The following LPCAT3 variants were observed in gnomAD, a reference collection of about 807,000 sequenced individuals.
LPCAT3 encodes lysophosphatidylcholine acyltransferase 3.
A neutral mutation model predicts 63.4 loss-of-function variants in LPCAT3; 21 were observed. The ratio of observed to expected loss-of-function variants is 0.33; its 90% CI spans 0.23 to 0.48. The LOEUF is 0.48. LPCAT3 is among the 20% of genes least tolerant of loss of function. The probability of loss-of-function intolerance (pLI) is 0.99; values close to 1 mark genes in which losing one functional copy is unlikely to be tolerated. For synonymous variants in LPCAT3, 242 were observed against 227.5 expected, an observed-to-expected ratio of 1.06 and a Z score of -0.58; for missense variants, 451 against 590.6, an observed-to-expected ratio of 0.76 and a Z score of 2.45.
chr12:6,983,327 T>G, intron 2 of LPCAT3, 105 bp downstream of exon 2: 1 of 734,640 alleles, frequency 1.4e-6, no homozygotes, highest in Non-Finnish European at 2.4e-6. Context: ...AGTGGGAGCA[T>G]TATAACTTCC....
intron 1 of LPCAT3, chr12:6,988,049 G>T: frequency 2.8e-6 from 1 of 355,742 alleles, no homozygotes; most frequent in Non-Finnish European, 5.0e-6. Context: ...TTTTAAAGGT[G>T]TAAAAAAAAA....
chr12:6,995,722 C>T (rs1235806267), intron 1 of LPCAT3, among the ~76,000 whole-genome samples: 3 of 152,066 alleles, frequency 2.0e-5, no homozygotes, highest in African/African-American at 7.2e-5. Context: ...GGGTAATCTT[C>T]CTTCAGCTCC....
At chr12:6,997,396 T>TGC (rs1366955598) in intron 1 of LPCAT3, 2 of 148,958 alleles carry the variant, frequency 1.3e-5, no homozygotes, top group Non-Finnish European at 2.9e-5. Context: ...TGTGTGTGTG[T>TGC]GTGTGTGTGT....
intron 2 of LPCAT3, chr12:6,983,165 A>G: frequency 8.5e-6 from 4 of 468,514 alleles, no homozygotes; most frequent in Non-Finnish European, 1.2e-5. Context: ...TCATTCAGTT[A>G]CATCCACAGC....
chr12:6,988,733 G>A (rs146134269), intron 1 of LPCAT3, among the ~76,000 whole-genome samples: 130 of 152,260 alleles, frequency 8.5e-4, no homozygotes, highest in African/African-American at 3.1e-3. Flanking sequence ...AATGCAGGCC[G>A]CAGTGCTCAG....
intron 1 of LPCAT3, among the ~76,000 whole-genome samples, chr12:6,985,118 G>A (rs782360642): frequency 3.4e-5 from 5 of 147,542 alleles, no homozygotes; most frequent in East Asian, 4.0e-4. Flanking sequence ...AAGGCTGGGC[G>A]CGGTGGCTCA....
In LPCAT3 at chr12:7,018,316, C is replaced by G; in HGVS notation, c.109G>C (p.Ala37Pro). 6.2e-7 allele frequency: 1 copy of G among 1,609,216 alleles called. No homozygotes were observed. ...ATCAGCCGCAGCGCCTGTTCTGACG[C>G]GCCCAGGGACGTCGCCAACTTGTTA... ...SLNKLATSLG[A>P]SEQALRLIIS... The change falls in exon 1 of 13, where the codon GCG (alanine) becomes CCG (proline). Residue 37 changes from alanine to proline, a missense_variant. Coordinates refer to ENST00000261407, the MANE Select transcript of LPCAT3 (RefSeq NM_005768.6). The surrounding 1 kb of genome is among the most constrained non-coding windows in gnomAD (Gnocchi z 4.9).
rs1391221330 is a variant in LPCAT3, at chr12:6,977,948, G to A, written c.1041-203C>T. 9.9e-6 allele frequency: 6 copies of A among 607,000 alleles called. No homozygotes were observed. The highest frequency in any genetic ancestry group is 7.4e-5 in the African/African-American group (4 of 53,880). 37.6% of individuals were successfully genotyped at this position (607,000 alleles called of 1,614,324 possible). On this transcript the variant is annotated intron_variant, in intron 9 of 12. Coordinates refer to ENST00000261407, the MANE Select transcript of LPCAT3 (RefSeq NM_005768.6). This position sits in a 1 kb window ranked among gnomAD's most constrained non-coding sequence, Gnocchi z 4.5. The stretch of plus-strand genomic sequence containing the variant: ...CAAGGCGGAGCTGGAGACCGTGTGC[G>A]CACGAGCCACTTGGTTCAGCAGCAG...
In LPCAT3 at chr12:6,979,618, A is replaced by T. The variant is rs376496578; in HGVS notation, c.678-39T>A. 1.7e-4 allele frequency: 232 copies of T among 1,392,380 alleles called. 1 individual carries two copies. The highest frequency in any genetic ancestry group is 3.1e-5 in the Non-Finnish European group (30 of 978,458). The allele number at this position is 1,392,380 out of a possible 1,614,324, so 86.3% of individuals were successfully genotyped here. ...AGTGAAGTTCCTGGTCACAGAGAGCAGAGACTATTCCCTTCACCCTCTGAC... is the reference window on the plus strand; with the variant it reads ...AGTGAAGTTCCTGGTCACAGAGAGCTGAGACTATTCCCTTCACCCTCTGAC... On this transcript the variant is annotated intron_variant, in intron 6 of 12. Coordinates refer to ENST00000261407, the MANE Select transcript of LPCAT3 (RefSeq NM_005768.6).
chr12:6,989,912 C>T (rs782662564), intron 1 of LPCAT3, among the ~76,000 whole-genome samples: 4 of 152,262 alleles, frequency 2.6e-5, no homozygotes, highest in East Asian at 1.9e-4. Context: ...GTGGCTCACA[C>T]CTGTAATCCC....
At chr12:6,990,576 C>G (rs1249891656) in intron 1 of LPCAT3, among the ~76,000 whole-genome samples, 2 of 150,212 alleles carry the variant, frequency 1.3e-5, no homozygotes, top group African/African-American at 4.9e-5. Flanking sequence ...TTGAGCACCC[C>G]AAACAACTTT....
At chr12:6,979,628 C>T in intron 6 of LPCAT3, 49 bp from the exon 7 acceptor site, 1 of 1,288,204 alleles carries the variant, frequency 7.8e-7, no homozygotes, top group Non-Finnish European at 1.1e-6. Flanking sequence ...AGAGACTATT[C>T]CCTTCACCCT....
chr12:7,000,400 A>C (rs1946674565), intron 1 of LPCAT3, among the ~76,000 whole-genome samples: 1 of 150,306 alleles, frequency 6.7e-6, no homozygotes, highest in African/African-American at 2.4e-5. Flanking sequence ...ATCCTGGCTA[A>C]CACAGTGACG....
In LPCAT3 at chr12:6,987,649, T is replaced by G; in HGVS notation, c.152-4110A>C. 4 of 394,640 alleles carry G rather than the reference T, an allele frequency of 1.0e-5. No individual in the cohort carries two copies. Among genetic ancestry groups the G allele is most frequent in the Non-Finnish European group, 1.8e-5 (4 of 224,184 alleles). 24.4% of individuals were successfully genotyped at this position (394,640 alleles called of 1,614,324 possible). A position where few individuals can be genotyped will look rare whatever the true frequency, so the allele number is the denominator to read the frequency against. ...AGTAGATAATTATCTAGAGCACTCA[T>G]AAATAAGTTCTAGGTAGCTAAGTTT... On this transcript the variant is annotated intron_variant, in intron 1 of 12. Coordinates refer to ENST00000261407, the MANE Select transcript of LPCAT3 (RefSeq NM_005768.6). This position sits in a 1 kb window ranked among gnomAD's most constrained non-coding sequence, Gnocchi z 4.1.
At chr12:6,990,877 A>G (rs1029362596) in intron 1 of LPCAT3, among the ~76,000 whole-genome samples, 1 of 147,312 alleles carries the variant, frequency 6.8e-6, no homozygotes, top group East Asian at 2.0e-4. Context: ...AGATCACGCC[A>G]CTGTGCTCCA....
intron 1 of LPCAT3, among the ~76,000 whole-genome samples, chr12:6,983,758 T>C (rs937416497): frequency 1.3e-5 from 2 of 152,236 alleles, no homozygotes; most frequent in Non-Finnish European, 2.9e-5. Context: ...AATATTTGAT[T>C]GAGGCAATAT....
intron 1 of LPCAT3, among the ~76,000 whole-genome samples, chr12:7,000,588 A>C (rs1334290516): frequency 1.4e-4 from 17 of 117,998 alleles, no homozygotes; most frequent in African/African-American, 6.0e-4. Flanking sequence ...ACTCAGTCTC[A>C]AAAAAAAAAA....
rs1220771413 is a variant in LPCAT3 at position 7,017,840 on chromosome 12, G to A, written c.151+434C>T. 6.6e-6 allele frequency among the ~76,000 whole-genome samples: 1 copy of A among 152,234 alleles called. No homozygotes were observed. Among genetic ancestry groups the A allele is most frequent in the Non-Finnish European group, 1.5e-5 (1 of 68,040 alleles). ...GCTCAGAATATGAAATATGGAATAT[G>A]GGGCTGAAAAGGCCGAAAGGGCTAA... On this transcript the variant is annotated intron_variant, in intron 1 of 12. Coordinates refer to ENST00000261407, the MANE Select transcript of LPCAT3 (RefSeq NM_005768.6). The surrounding 1 kb of genome is among the most constrained non-coding windows in gnomAD (Gnocchi z 4.1).
chr12:6,990,916 C>CAAAAAAAAA (rs59031613), intron 1 of LPCAT3, among the ~76,000 whole-genome samples: 1 of 68,144 alleles, frequency 1.5e-5, no homozygotes, highest in African/African-American at 3.8e-5. Flanking sequence ...GACTCCAAAT[C>CAAAAAAAAA]AAAAAAAAAA....
Sources: allele counts gnomAD v4.1 joint callset (sites outside exome capture counted in the v4.1 genomes callset), GRCh38; gene constraint gnomAD v4.1.1; non-coding constraint Gnocchi (gnomAD v3.1); transcripts MANE v1.5; gene names NCBI Gene and HGNC (gene_info 2026-07-23, HGNC 2026-07-21).